The following CAPN13 variants were observed in gnomAD, a reference collection of about 807,000 sequenced individuals.
CAPN13 encodes the protein calpain-13.
Under a neutral mutation model 98.4 loss-of-function variants are expected in CAPN13, and 90 were observed. The ratio of observed to expected loss-of-function variants is 0.92; its 90% CI spans 0.77 to 1.09. The LOEUF is 1.09. CAPN13 is among the 50% of genes least tolerant of loss of function. The pLI, the probability that CAPN13 is intolerant of heterozygous loss-of-function variation, is 0.00. For missense variants in CAPN13, 887 were observed against 841.3 expected, an observed-to-expected ratio of 1.05 and a Z score of -0.67; for synonymous variants, 330 against 305.5, an observed-to-expected ratio of 1.08 and a Z score of -0.84.
chr2:30,762,979 C>T, intron 7 of CAPN13, 103 bp downstream of exon 7: 1 of 926,318 alleles, frequency 1.1e-6, no homozygotes, highest in East Asian at 2.7e-5. Context: ...ATCCTCATTT[C>T]ATCTTTCTTG....
chr2:30,756,904 A>G (rs1390841199), intron 8 of CAPN13, among the ~76,000 whole-genome samples: 1 of 152,132 alleles, frequency 6.6e-6, no homozygotes, highest in Non-Finnish European at 1.5e-5. Context: ...CTCGCCCTCC[A>G]TCCCAATCAT....
intron 17 of CAPN13, chr2:30,737,287 CTT>C (rs1051523305): frequency 5.9e-5 from 9 of 152,480 alleles, no homozygotes; most frequent in Non-Finnish European, 1.2e-4. Flanking sequence ...AAAAAGCCCT[CTT>C]GTTTCACAAT....
Position 30,764,226 on chromosome 2 carries a change from T to C in CAPN13, c.605A>G (p.Asn202Ser), listed in dbSNP as rs1463965443. ...LVDLTGGVIT[N>S]IHLHSSPVDL... Reference sequence around the variant, plus strand: ...CACAGGGGAAGAGTGCAGATGGATGTTGGTGATCACGCCTCCTGTGAGGTC... The same window carrying C: ...CACAGGGGAAGAGTGCAGATGGATGCTGGTGATCACGCCTCCTGTGAGGTC... The change falls in exon 6 of 23, where the codon AAC (asparagine) becomes AGC (serine). Residue 202 changes from asparagine to serine, a missense_variant. By Grantham distance (46) the Asn-to-Ser change is conservative (BLOSUM62 1). Transcript: ENST00000295055. 3 of 1,613,212 alleles carry C rather than the reference T, an allele frequency of 1.9e-6. No individual in the cohort carries two copies. The highest frequency in any genetic ancestry group is 1.7e-5 in the Admixed American group (1 of 59,948).
At chr2:30,773,094 G>A (rs1673497091) in intron 4 of CAPN13, among the ~76,000 whole-genome samples, 1 of 152,202 alleles carries the variant, frequency 6.6e-6, no homozygotes, top group South Asian at 2.1e-4. Context: ...AAAGTGCTGG[G>A]ATTACAGGCG....
intron 22 of CAPN13, 103 bp from the exon 23 acceptor site, chr2:30,723,339 G>A (rs939706270): frequency 6.6e-6 from 1 of 152,294 alleles, no homozygotes; most frequent in East Asian, 1.9e-4. Flanking sequence ...CAAAGATGCT[G>A]TTCTGGATCA....
rs57880021 is a variant in CAPN13 at position 30,745,894 on chromosome 2, A to ATTTTTT, written c.1237-166_1237-161dup. ...TTTTATATCTGTTATGCCATAAAGCATTTTTTTTTTTTTTTTTTTTTTTTG... is the reference window on the plus strand; with the variant it reads ...TTTTATATCTGTTATGCCATAAAGCATTTTTTTTTTTTTTTTTTTTTTTTTTTTTTG... On this transcript the variant is annotated intron_variant, in intron 11 of 22. Coordinates refer to ENST00000295055, the MANE Select transcript of CAPN13 (RefSeq NM_144575.3). Among the ~76,000 whole-genome samples, 60 of 92,766 alleles carry ATTTTTT rather than the reference A, an allele frequency of 6.5e-4. 1 individual carries two copies. Among genetic ancestry groups the ATTTTTT allele is most frequent in the East Asian group, 1.2e-3 (4 of 3,406 alleles). 60.9% of individuals were successfully genotyped at this position (92,766 alleles called of 152,430 possible). A position where few individuals can be genotyped will look rare whatever the true frequency, so the allele number is the denominator to read the frequency against.
intron 2 of CAPN13, among the ~76,000 whole-genome samples, chr2:30,778,933 G>A (rs17010265): frequency 0.088 from 13,349 of 152,238 alleles, 1,764 homozygotes; most frequent in African/African-American, 0.29. Context: ...AAGGACATCC[G>A]GAGGGCCTTC....
intron 2 of CAPN13, among the ~76,000 whole-genome samples, chr2:30,782,051 G>A (rs1429743366): frequency 1.3e-5 from 2 of 152,236 alleles, no homozygotes; most frequent in African/African-American, 4.8e-5. Context: ...GGTAATCTGT[G>A]TTATATTAGG....
At chr2:30,746,616 T>TGC in intron 11 of CAPN13, 1 of 198,998 alleles carries the variant, frequency 5.0e-6, no homozygotes, top group Middle Eastern at 2.2e-3. Context: ...TTTGGTGATC[T>TGC]GCTGGGTGTC....
At chr2:30,745,336 G>C (rs1437287439) in intron 12 of CAPN13, 1 of 492,922 alleles carries the variant, frequency 2.0e-6, no homozygotes, top group Non-Finnish European at 4.1e-6. Flanking sequence ...TGGAGAGCAT[G>C]CATCCTGCTT....
At chr2:30,767,015 G>A (rs192974577) in intron 5 of CAPN13, among the ~76,000 whole-genome samples, 62 of 152,312 alleles carry the variant, frequency 4.1e-4, no homozygotes, top group Admixed American at 1.4e-3. Flanking sequence ...TGTGCCAGAC[G>A]CTGAGCTCCA....
chr2:30,754,371 AT>A lies in CAPN13; in HGVS notation c.867-8del, dbSNP rs773282788. The A allele has an allele frequency of 6.3e-7, 1 of 1,595,118 alleles. No individual in the cohort carries two copies. Among genetic ancestry groups the A allele is most frequent in the Non-Finnish European group, 8.5e-7 (1 of 1,172,808 alleles). ...TTCCTCCCACTCCTGAGACCTGAGC[AT>A]GGACACACAAACCACAGGGTGAGAT... On this transcript the variant is annotated splice_polypyrimidine_tract_variant and splice_region_variant and intron_variant, in intron 8 of 22. Transcript: ENST00000295055.
At chr2:30,761,377 C>G (rs1206735219) in intron 7 of CAPN13, among the ~76,000 whole-genome samples, 1 of 152,144 alleles carries the variant, frequency 6.6e-6, no homozygotes. Context: ...GTGTCATGAT[C>G]AGGAGCCCAA....
intron 15 of CAPN13, among the ~76,000 whole-genome samples, chr2:30,739,541 T>A (rs1671549195): frequency 6.6e-6 from 1 of 152,100 alleles, no homozygotes; most frequent in Non-Finnish European, 1.5e-5. Context: ...CACCAACATT[T>A]CACTCTGGGT....
intron 1 of CAPN13, among the ~76,000 whole-genome samples, chr2:30,805,445 A>AAGCT (rs1007994897): frequency 3.3e-4 from 50 of 152,286 alleles, no homozygotes; most frequent in African/African-American, 1.0e-3. Flanking sequence ...AGTAGCACTT[A>AAGCT]AGCTTTGCCT....
At chr2:30,778,359 G>A (rs1017767002) in intron 2 of CAPN13, among the ~76,000 whole-genome samples, 3 of 152,204 alleles carry the variant, frequency 2.0e-5, no homozygotes, top group Admixed American at 1.3e-4. Flanking sequence ...CCAAAATTGT[G>A]AGAGTTCCTA....
In CAPN13 at chr2:30,730,763, G is replaced by A. The variant is rs1481667990; in HGVS notation, c.2007C>T (p.Asn669=). The A allele has an allele frequency of 1.3e-6, 1 of 780,742 alleles. No homozygotes were observed. Among genetic ancestry groups the A allele is most frequent in the African/African-American group, 1.7e-5 (1 of 59,122 alleles). 48.4% of individuals were successfully genotyped at this position (780,742 alleles called of 1,614,324 possible). The change falls in exon 22 of 23, where the codon AAC becomes AAT. Residue 669 remains asparagine, a synonymous_variant. Transcript: ENST00000295055. The part of the protein sequence containing the change: ...EMEWMSLVMY[N] The stretch of plus-strand genomic sequence containing the variant: ...TGGGTCTGCTTTCCTCTTTGCTTCA[G>A]TTGTACATGACCAGGCTCATCCACT...
intron 1 of CAPN13, among the ~76,000 whole-genome samples, chr2:30,803,360 G>T (rs912016479): frequency 5.9e-5 from 9 of 152,148 alleles, no homozygotes; most frequent in Non-Finnish European, 4.4e-5. Flanking sequence ...TGGTCTGCAG[G>T]CTGGGACAGG....
chr2:30,723,349 A>C (rs1670755116), intron 22 of CAPN13, 113 bp from the exon 23 acceptor site: 1 of 152,284 alleles, frequency 6.6e-6, no homozygotes, highest in Non-Finnish European at 1.5e-5. Flanking sequence ...GTTCTGGATC[A>C]TCCCACAGTA....
Sources: gnomAD v4.1 joint callset for allele counts (sites outside exome capture counted in the v4.1 genomes callset) on GRCh38, gnomAD v4.1.1 for gene constraint, MANE v1.5 for transcripts, NCBI Gene and HGNC (gene_info 2026-07-23, HGNC 2026-07-21) for gene names.